The following NCKAP5 variants were observed in gnomAD, a reference collection of about 807,000 sequenced individuals.
NCKAP5 encodes nck-associated protein 5.
A neutral mutation model predicts 167.0 loss-of-function variants in NCKAP5; 92 were observed. The ratio of observed to expected loss-of-function variants is 0.55; its 90% confidence interval spans 0.47 to 0.66. The LOEUF is 0.66. Ranked by LOEUF, NCKAP5 falls within the 30% of genes least tolerant of loss-of-function variation. The pLI is 0.00. For synonymous variants in NCKAP5, 891 were observed against 877.4 expected, an observed-to-expected ratio of 1.02 and a Z score of -0.27; for missense variants, 2,378 against 2,315.0, an observed-to-expected ratio of 1.03 and a Z score of -0.56.
chr2:133,392,205 A>G (rs1687457499), intron 3 of NCKAP5, among the ~76,000 whole-genome samples: 1 of 152,238 alleles, frequency 6.6e-6, no homozygotes, highest in Admixed American at 6.5e-5. Context: ...CATGTACTGT[A>G]TGTTTTTATG....
chr2:133,433,037 G>T (rs1300266326), intron 3 of NCKAP5, among the ~76,000 whole-genome samples: 1 of 152,090 alleles, frequency 6.6e-6, no homozygotes, highest in Non-Finnish European at 1.5e-5. Flanking sequence ...ATGACTTCTG[G>T]AAAGGATGGA....
intron 19 of NCKAP5, among the ~76,000 whole-genome samples, chr2:132,724,951 G>C (rs1182405782): frequency 1.3e-5 from 2 of 151,814 alleles, no homozygotes; most frequent in Non-Finnish European, 2.9e-5. Flanking sequence ...TAGTATTTTA[G>C]AAAAAAGTTG....
intron 13 of NCKAP5, among the ~76,000 whole-genome samples, chr2:132,787,394 C>T (rs1683675118): frequency 6.6e-6 from 1 of 150,680 alleles, no homozygotes; most frequent in Non-Finnish European, 1.5e-5. Context: ...TAAAGAGCTT[C>T]AAGAGAAGGC....
In NCKAP5 at chr2:132,956,980, C is replaced by T. The variant is rs567417437; in HGVS notation, c.579+6740G>A. Among the ~76,000 whole-genome samples the T allele has an allele frequency of 7.9e-5, 12 of 152,258 alleles. No individual in the cohort carries two copies. The South Asian group carries it at 2.5e-3, about 32-fold the overall frequency. Reference sequence around the variant, plus strand: ...GGGAACCTTAGAACTCTGTCCTCTGCCCTCTTCTTGTCCATTTACAGTTAC... The same window carrying T: ...GGGAACCTTAGAACTCTGTCCTCTGTCCTCTTCTTGTCCATTTACAGTTAC... On this transcript the variant is annotated intron_variant, in intron 8 of 19. Transcript: ENST00000409261.
chr2:133,248,002 G>A (rs1447112856), intron 4 of NCKAP5, among the ~76,000 whole-genome samples: 1 of 152,190 alleles, frequency 6.6e-6, no homozygotes, highest in Non-Finnish European at 1.5e-5. Flanking sequence ...CTGATGAAGT[G>A]TTCAAAGCAA....
chr2:133,306,993 G>C (rs1559369481), intron 3 of NCKAP5, among the ~76,000 whole-genome samples: 1 of 152,208 alleles, frequency 6.6e-6, no homozygotes, highest in Non-Finnish European at 1.5e-5. Flanking sequence ...CTTGATGTCA[G>C]TGTTCACTAT....
chr2:133,217,251 GA>G (rs1271737061), intron 4 of NCKAP5, among the ~76,000 whole-genome samples: 1 of 151,978 alleles, frequency 6.6e-6, no homozygotes, highest in African/African-American at 2.4e-5. Context: ...AAAGTACGCA[GA>G]AAAATATCAT....
rs980611239 is a variant in NCKAP5, at chr2:133,258,747, A to T, written c.143+44290T>A. On this transcript the variant is annotated intron_variant, in intron 4 of 19. Coordinates refer to ENST00000409261, the MANE Select transcript of NCKAP5 (RefSeq NM_207363.3). ...GGCAACAGAGCAAGATCCTGTCTCA[A>T]TTAAAAAAAAAAAAGAAGAAGAAGA... 1.9e-4 allele frequency among the ~76,000 whole-genome samples: 28 copies of T among 144,026 alleles called. 1 individual carries two copies. Among genetic ancestry groups the T allele is most frequent in the Admixed American group, 6.0e-4 (9 of 14,942 alleles). The allele number at this position is 144,026 out of a possible 152,430, so 94.5% of individuals were successfully genotyped here. A position where few individuals can be genotyped will look rare whatever the true frequency, so the allele number is the denominator to read the frequency against.
rs147301581 is a variant in NCKAP5, at chr2:133,293,960, C to T, written c.143+9077G>A. Among the ~76,000 whole-genome samples the T allele has an allele frequency of 3.3e-3, 499 of 152,256 alleles. 4 individuals carry two copies. Among genetic ancestry groups the T allele is most frequent in the East Asian group, 0.025 (128 of 5,182 alleles). On this transcript the variant is annotated intron_variant, in intron 4 of 19. Coordinates refer to ENST00000409261, the MANE Select transcript of NCKAP5 (RefSeq NM_207363.3). ...GAACAGGGAAAGATAATGTGAGGCACGCTAGCCCTGGTCTCCTTTGACCTC... is the reference window on the plus strand; with the variant it reads ...GAACAGGGAAAGATAATGTGAGGCATGCTAGCCCTGGTCTCCTTTGACCTC...
intron 16 of NCKAP5, among the ~76,000 whole-genome samples, chr2:132,750,376 C>A (rs762894719): frequency 1.3e-5 from 2 of 152,104 alleles, no homozygotes; most frequent in Non-Finnish European, 2.9e-5. Flanking sequence ...CATAACTTGG[C>A]CTTCCAATAG....
intron 3 of NCKAP5, among the ~76,000 whole-genome samples, chr2:133,411,667 A>T (rs1688783760): frequency 6.6e-6 from 1 of 151,964 alleles, no homozygotes; most frequent in African/African-American, 2.4e-5. Flanking sequence ...ATCTTTGTGT[A>T]CTCTGCTCTG....
intron 3 of NCKAP5, among the ~76,000 whole-genome samples, chr2:133,483,636 G>T (rs985253793): frequency 4.7e-5 from 7 of 150,036 alleles, no homozygotes; most frequent in South Asian, 2.2e-4. Flanking sequence ...AAGGGGGGGG[G>T]GCTTTTTCTC....
intron 3 of NCKAP5, among the ~76,000 whole-genome samples, chr2:133,432,513 G>A (rs1690225893): frequency 6.6e-6 from 1 of 152,138 alleles, no homozygotes; most frequent in South Asian, 2.1e-4. Flanking sequence ...CTCAACATCA[G>A]GGTTATCTAT....
chr2:133,183,696 A>G (rs2084828886), intron 5 of NCKAP5, among the ~76,000 whole-genome samples: 1 of 152,184 alleles, frequency 6.6e-6, no homozygotes, highest in South Asian at 2.1e-4. Flanking sequence ...CACTTTCACT[A>G]ATTTTGTTCA....
chr2:132,714,666 A>C (rs1689184479), intron 19 of NCKAP5, among the ~76,000 whole-genome samples: 2 of 151,778 alleles, frequency 1.3e-5, no homozygotes, highest in African/African-American at 4.8e-5. Context: ...AAAAATACAA[A>C]ATTAGCCGGG....
intron 6 of NCKAP5, among the ~76,000 whole-genome samples, chr2:133,014,984 A>G (rs577393300): frequency 7.2e-5 from 11 of 152,352 alleles, no homozygotes; most frequent in African/African-American, 2.2e-4. Context: ...AACACATTAA[A>G]GTAAATTTTG....
the NCKAP5 span, among the ~76,000 whole-genome samples, chr2:133,643,003 T>C: frequency 1.3e-5 from 2 of 152,156 alleles, no homozygotes; most frequent in African/African-American, 2.4e-5. Context: ...GTTTCATCTT[T>C]CTTTTTTTTT....
chr2:133,618,306 G>A, the NCKAP5 span, among the ~76,000 whole-genome samples: 1 of 149,512 alleles, frequency 6.7e-6, no homozygotes, highest in Non-Finnish European at 1.5e-5. Flanking sequence ...TGACAAATGG[G>A]ATCTAATTAA....
intron 6 of NCKAP5, among the ~76,000 whole-genome samples, chr2:133,041,496 A>T (rs1290175210): frequency 6.6e-6 from 1 of 152,220 alleles, no homozygotes; most frequent in Non-Finnish European, 1.5e-5. Flanking sequence ...CAGATTCAAA[A>T]GACAGATACT....
Sources: allele counts gnomAD v4.1 joint callset (sites outside exome capture counted in the v4.1 genomes callset), GRCh38; gene constraint gnomAD v4.1.1; transcripts MANE v1.5; gene names NCBI Gene and HGNC (gene_info 2026-07-23, HGNC 2026-07-21).